PI4KA: variants seen among roughly 807,000 people sequenced by gnomAD.
The protein encoded by PI4KA is PI4-kinase alpha.
Under a neutral mutation model 271.4 loss-of-function variants are expected in PI4KA, and 122 were observed. The ratio of observed to expected loss-of-function variants is 0.45; its 90% CI spans 0.39 to 0.52. The LOEUF is 0.52. Ranked by LOEUF, PI4KA falls within the 20% of genes least tolerant of loss-of-function variation. PI4KA has a pLI of 0.00. For synonymous variants in PI4KA, 1,041 were observed against 1,078.8 expected, an observed-to-expected ratio of 0.96 and a Z score of 0.69; for missense variants, 1,969 against 2,769.1, an observed-to-expected ratio of 0.71 and a Z score of 6.48.
At position 20,813,487 on chromosome 22, in the gene PI4KA, C is replaced by G. The variant is rs148209475; in HGVS notation, c.876G>C (p.Gly292=). The change falls in exon 8 of 55, where the codon GGG becomes GGC. Residue 292 remains glycine (G), a synonymous_variant. Transcript: ENST00000255882. ...AGTAGTACTCAGGCTCTAGGGCAGTCCCATCGGGCAAGCAGGAGGCTGGTG... is the reference window on the plus strand; with the variant it reads ...AGTAGTACTCAGGCTCTAGGGCAGTGCCATCGGGCAAGCAGGAGGCTGGTG... The part of the protein sequence containing the change: ...HYFEASCLPD[G]TALEPEYYFS... The G allele has an allele frequency of 6.8e-6, 11 of 1,613,856 alleles. No individual in the cohort carries two copies. Among genetic ancestry groups the G allele is most frequent in the Middle Eastern group, 1.6e-4 (1 of 6,084 alleles).
At chr22:20,825,324 G>A (rs550432179) in intron 3 of PI4KA, among the ~76,000 whole-genome samples, 1 of 152,262 alleles carries the variant, frequency 6.6e-6, no homozygotes, top group South Asian at 2.1e-4. Context: ...ACTGGGTGCA[G>A]TGGCTCATGC....
intron 1 of PI4KA, among the ~76,000 whole-genome samples, chr22:20,840,920 G>C (rs1364737397): frequency 6.6e-6 from 1 of 152,138 alleles, no homozygotes; most frequent in African/African-American, 2.4e-5. Flanking sequence ...ATCCTGAATA[G>C]GGGCTGGGTA....
chr22:20,819,396 G>C lies in PI4KA; in HGVS notation c.789+245C>G, dbSNP rs149820553. On this transcript the variant is annotated intron_variant, in intron 6 of 54. Transcript: ENST00000255882. ...ATGGCGATAAGGCTTTTTTTTTAGA[G>C]GCCTTTTGTGGCTTTTTACACCTCA... 7.2e-3 allele frequency among the ~76,000 whole-genome samples: 1,088 copies of C among 150,680 alleles called. 11 individuals are homozygous for C. Among genetic ancestry groups the C allele is most frequent in the African/African-American group, 0.025 (1,011 of 41,070 alleles).
intron 18 of PI4KA, among the ~76,000 whole-genome samples, chr22:20,794,316 C>T (rs898384027): frequency 6.6e-6 from 1 of 152,180 alleles, no homozygotes; most frequent in Non-Finnish European, 1.5e-5. Context: ...GAGCAGGCTC[C>T]TGAAACGCCC....
At chr22:20,734,962 A>G (rs373253938) in intron 32 of PI4KA, among the ~76,000 whole-genome samples, 29 of 152,248 alleles carry the variant, frequency 1.9e-4, no homozygotes, top group East Asian at 1.7e-3. Flanking sequence ...CTGGATCCAG[A>G]GCCTGGCTCC....
intron 1 of PI4KA, among the ~76,000 whole-genome samples, chr22:20,843,682 G>GT (rs1330534286): frequency 1.3e-5 from 2 of 152,152 alleles, no homozygotes; most frequent in Non-Finnish European, 2.9e-5. Flanking sequence ...CTTTCAGGCA[G>GT]GCCATGTGTT....
At chr22:20,795,773 C>T (rs909915177) in intron 18 of PI4KA, among the ~76,000 whole-genome samples, 1 of 152,086 alleles carries the variant, frequency 6.6e-6, no homozygotes, top group Non-Finnish European at 1.5e-5. Flanking sequence ...TCTCATGTTG[C>T]CACTGTGTTC....
At chr22:20,853,581 G>A (rs1343658966) in intron 1 of PI4KA, among the ~76,000 whole-genome samples, 2 of 152,220 alleles carry the variant, frequency 1.3e-5, no homozygotes, top group Non-Finnish European at 2.9e-5. Context: ...GACTGGGTAG[G>A]ATTTGGTTCA....
chr22:20,742,651 C>A lies in PI4KA; in HGVS notation c.3570G>T (p.Thr1190=), dbSNP rs151248814. The A allele has an allele frequency of 1.2e-6, 2 of 1,614,112 alleles. No individual in the cohort carries two copies. The highest frequency in any genetic ancestry group is 1.1e-5 in the South Asian group (1 of 91,084). ...TTGCGGTCAGCTTGAACATGGCCTG[C>A]GTGTAGTGCTGAGGATGACTGCGGT... is the stretch of plus-strand genomic sequence containing the variant. The part of the protein sequence containing the change: ...ALDRSHPQHY[T]QAMFKLTAML... The change falls in exon 31 of 55, where the codon ACG becomes ACT. Residue 1190 remains threonine (T), a synonymous_variant. Coordinates refer to ENST00000255882, the MANE Select transcript of PI4KA (RefSeq NM_058004.4).
intron 23 of PI4KA, among the ~76,000 whole-genome samples, chr22:20,754,129 C>T (rs967769674): frequency 2.6e-5 from 4 of 152,224 alleles, no homozygotes; most frequent in African/African-American, 9.6e-5. Context: ...CTTTGTTGCC[C>T]AGTCTGGAGT....
Position 20,799,081 on chromosome 22 carries a change from G to A in PI4KA, c.2004+12C>T, listed in dbSNP as rs1486352001. The A allele has an allele frequency of 1.2e-6, 2 of 1,610,600 alleles. No individual in the cohort carries two copies. Among genetic ancestry groups the A allele is most frequent in the Non-Finnish European group, 1.7e-6 (2 of 1,177,868 alleles). ...ACAGGGTTAGTGGTGTTCTGGCTCTGGCCTCCCTTACATTTCCGGTGATAA... is the reference window on the plus strand; with the variant it reads ...ACAGGGTTAGTGGTGTTCTGGCTCTAGCCTCCCTTACATTTCCGGTGATAA... On this transcript the variant is annotated intron_variant, in intron 16 of 54. Coordinates refer to ENST00000255882, the MANE Select transcript of PI4KA (RefSeq NM_058004.4).
In PI4KA at chr22:20,779,634, G is replaced by A. The variant is rs748092685; in HGVS notation, c.2328+13559C>T. On this transcript the variant is annotated intron_variant, in intron 19 of 54. Coordinates refer to ENST00000255882, the MANE Select transcript of PI4KA (RefSeq NM_058004.4). ...GTCAGTTTCCCCGACAGACTCTGAT[G>A]TGAGTGCTGGGAACATCCTCCAGCT... 9 of 1,614,102 alleles carry A rather than the reference G, an allele frequency of 5.6e-6. No individual in the cohort carries two copies. The Admixed American group carries it at 6.7e-5, about 12-fold the overall frequency.
At chr22:20,744,547 T>A in intron 30 of PI4KA, 81 bp downstream of exon 30, 1 of 956,924 alleles carries the variant, frequency 1.0e-6, no homozygotes. Flanking sequence ...GCTTTGTTCA[T>A]TTTCCACTAG....
chr22:20,820,425 A>C (rs1261978142), intron 5 of PI4KA, 114 bp downstream of exon 5: 2 of 710,450 alleles, frequency 2.8e-6, no homozygotes, highest in East Asian at 5.1e-5. Flanking sequence ...CTAAAATAGG[A>C]AGGTTTTCTC....
intron 22 of PI4KA, among the ~76,000 whole-genome samples, chr22:20,763,016 T>TGGGGGGG (rs764908841): frequency 3.5e-4 from 5 of 14,178 alleles, no homozygotes; most frequent in Admixed American, 8.1e-4. Flanking sequence ...GCTTTTTTTT[T>TGGGGGGG]TGGGGGGGGG....
intron 19 of PI4KA, among the ~76,000 whole-genome samples, chr22:20,773,565 T>G (rs958234877): frequency 2.6e-5 from 4 of 152,158 alleles, no homozygotes; most frequent in Non-Finnish European, 5.9e-5. Context: ...CAGCAACCCT[T>G]GACTGAAGAA....
chr22:20,720,819 G>A (rs181129367), intron 43 of PI4KA, among the ~76,000 whole-genome samples: 269 of 152,320 alleles, frequency 1.8e-3, no homozygotes, highest in African/African-American at 6.2e-3. Flanking sequence ...AACATGTAAT[G>A]AATGGGCTTA....
chr22:20,785,904 C>A, intron 19 of PI4KA: 2 of 1,507,928 alleles, frequency 1.3e-6, no homozygotes, highest in Admixed American at 3.3e-5. Context: ...TATATCAATT[C>A]TGTGATAAAT....
At chr22:20,788,029 C>T (rs1203218583) in intron 19 of PI4KA, among the ~76,000 whole-genome samples, 1 of 152,222 alleles carries the variant, frequency 6.6e-6, no homozygotes, top group Non-Finnish European at 1.5e-5. Flanking sequence ...GAGCAGATGA[C>T]ACCTGAGGAA....
Sources: allele counts gnomAD v4.1 joint callset (sites outside exome capture counted in the v4.1 genomes callset), GRCh38; gene constraint gnomAD v4.1.1; transcripts MANE v1.5; gene names NCBI Gene and HGNC (gene_info 2026-07-23, HGNC 2026-07-21).